Variants in CLN8 observed in about 807,000 individuals in gnomAD.
CLN8 encodes the protein CLN8 transmembrane ER and ERGIC protein, also known as protein CLN8.
CLN8 carries 14 observed loss-of-function variants against 15.7 expected under a neutral mutation model. That is an observed-to-expected ratio of 0.89 (90% CI 0.59 to 1.39). The LOEUF is 1.39. Ranked by LOEUF, CLN8 falls within the 40% of genes most tolerant of loss-of-function variation. CLN8 has a pLI of 0.00. For synonymous variants in CLN8, 188 were observed against 151.0 expected (o/e 1.25, Z -1.80); for missense variants, 415 against 364.0 (o/e 1.14, Z -1.14).
At chr8:1,772,087 C>T (rs933419695) in intron 2 of CLN8, among the ~76,000 whole-genome samples, 2 of 151,936 alleles carry the variant, frequency 1.3e-5, no homozygotes, top group Admixed American at 1.3e-4. Context: ...AGGTGCGCAC[C>T]ACCACACCTG....
chr8:1,764,155 C>T (rs1021645708), intron 1 of CLN8: 5 of 152,342 alleles, frequency 3.3e-5, no homozygotes, highest in African/African-American at 1.2e-4. Flanking sequence ...CGGGGTGGCT[C>T]CTGGCGTCCG....
chr8:1,780,431 C>T lies in CLN8; in HGVS notation c.725C>T (p.Thr242Met), dbSNP rs138821993. 1.3e-4 allele frequency: 205 copies of T among 1,614,216 alleles called. 1 individual carries two copies. The East Asian group carries it at 3.0e-3, about 24-fold the overall frequency. ...TTCCTTGTCGGACTGGCTCTGCTTA[C>T]GCTAATCATTAATCCATATTGGACC... is the stretch of plus-strand genomic sequence containing the variant. The part of the protein sequence containing the change: ...TLFLVGLALL[T>M]LIINPYWTHK... The change falls in exon 3 of 3, where the codon ACG becomes ATG. Residue 242 changes from threonine (T) to methionine (M), a missense_variant. Physicochemically the swap from Thr to Met is moderately conservative, Grantham distance 81 (BLOSUM62 -1). Transcript: ENST00000331222.
chr8:1,762,652 T>G (rs1800828799), upstream of CLN8: 1 of 152,230 alleles, frequency 6.6e-6, no homozygotes. Flanking sequence ...TTTGAAATGT[T>G]TATTTCAAAG....
In CLN8 at chr8:1,783,139, G is replaced by C. The variant is rs182644461; in HGVS notation, c.*2572G>C. The C allele has an allele frequency of 6.6e-6, 1 of 152,430 alleles. No homozygotes were observed. Among genetic ancestry groups the C allele is most frequent in the South Asian group, 2.1e-4 (1 of 4,832 alleles). The allele number at this position is 152,430 out of a possible 1,614,324, so 9.4% of individuals were successfully genotyped here. A position where few individuals can be genotyped will look rare whatever the true frequency, so the allele number is the denominator to read the frequency against. ...GTCTCCCTGACCGGCAGTGTGAGGG[G>C]ATGTAGCTATAGTGGAGCATGGTAC... On this transcript the variant is annotated 3_prime_UTR_variant, in exon 3 of 3. Coordinates refer to ENST00000331222, the MANE Select transcript of CLN8 (RefSeq NM_018941.4).
upstream of CLN8, among the ~76,000 whole-genome samples, chr8:1,754,039 C>T (rs1199463924): frequency 6.6e-6 from 1 of 152,118 alleles, no homozygotes; most frequent in Non-Finnish European, 1.5e-5. Context: ...GACACACAGG[C>T]CCCCTGCACA....
chr8:1,776,859 C>T (rs1734447876), intron 2 of CLN8, among the ~76,000 whole-genome samples: 1 of 152,280 alleles, frequency 6.6e-6, no homozygotes, highest in Non-Finnish European at 1.5e-5. Flanking sequence ...GTCCCATCAT[C>T]AGTGGAAAGG....
rs538172764 is a variant in CLN8 at position 1,781,462 on chromosome 8, G to A, written c.*895G>A. The A allele has an allele frequency of 6.6e-6, 1 of 151,580 alleles. No homozygotes were observed. Among genetic ancestry groups the A allele is most frequent in the East Asian group, 1.9e-4 (1 of 5,156 alleles). The allele number at this position is 151,580 out of a possible 1,614,324, so 9.4% of individuals were successfully genotyped here. On this transcript the variant is annotated 3_prime_UTR_variant, in exon 3 of 3. Transcript: ENST00000331222. The stretch of plus-strand genomic sequence containing the variant: ...ACAACGCTGAGGGGTAGTGACTCCT[G>A]TAGCAGCAGAGACGCCTTGGAGTTT...
At chr8:1,765,811 G>A (rs967688708) in intron 1 of CLN8, among the ~76,000 whole-genome samples, 10 of 152,176 alleles carry the variant, frequency 6.6e-5, no homozygotes, top group African/African-American at 9.7e-5. Flanking sequence ...TGTAAAATGC[G>A]TGACCCACAA....
chr8:1,761,698 C>A (rs113845689), upstream of CLN8, among the ~76,000 whole-genome samples: 472 of 152,306 alleles, frequency 3.1e-3, no homozygotes, highest in African/African-American at 0.011. Context: ...GGGGTCAGAT[C>A]AGAGATGAAA....
chr8:1,762,159 A>G (rs1234962003), upstream of CLN8: 1 of 152,186 alleles, frequency 6.6e-6, no homozygotes, highest in African/African-American at 2.4e-5. Flanking sequence ...TGGTGGTTTC[A>G]CTGGTTTTAA....
At chr8:1,778,912 C>T (rs1228796654) in intron 2 of CLN8, among the ~76,000 whole-genome samples, 1 of 152,182 alleles carries the variant, frequency 6.6e-6, no homozygotes, top group African/African-American at 2.4e-5. Context: ...AAATGTGCAG[C>T]CTCCCGAACA....
chr8:1,764,823 T>C (rs994507330), intron 1 of CLN8: 7 of 148,050 alleles, frequency 4.7e-5, no homozygotes, highest in Non-Finnish European at 1.1e-4. Context: ...TAAGTGACTC[T>C]TCTCTGAAAG....
upstream of CLN8, chr8:1,762,080 T>A (rs564473689): frequency 3.9e-5 from 6 of 152,340 alleles, no homozygotes; most frequent in African/African-American, 1.4e-4. Flanking sequence ...ACAAGGACAG[T>A]TTGGAGGTTA....
upstream of CLN8, among the ~76,000 whole-genome samples, chr8:1,754,958 C>A (rs1165688723): frequency 6.6e-6 from 1 of 152,194 alleles, no homozygotes; most frequent in Non-Finnish European, 1.5e-5. Context: ...CTGCAAAGCT[C>A]CAGAACCCCT....
upstream of CLN8, among the ~76,000 whole-genome samples, chr8:1,761,710 C>T (rs116106279): frequency 4.8e-3 from 730 of 152,284 alleles, 7 homozygotes; most frequent in African/African-American, 0.017. Context: ...GAGATGAAAT[C>T]GTATGGATCA....
At position 1,782,072 on chromosome 8, in the gene CLN8, G is replaced by A. The variant is rs972134189; in HGVS notation, c.*1505G>A. Reference sequence around the variant, plus strand: ...TGTACGTGGAAAACGTCGGCTGCTCGTGAGAATCATGTGTGACTTACGTTC... The same window carrying A: ...TGTACGTGGAAAACGTCGGCTGCTCATGAGAATCATGTGTGACTTACGTTC... On this transcript the variant is annotated 3_prime_UTR_variant, in exon 3 of 3. Coordinates refer to ENST00000331222, the MANE Select transcript of CLN8 (RefSeq NM_018941.4). 1 of 152,128 alleles carries A rather than the reference G, an allele frequency of 6.6e-6. No homozygotes were observed. The highest frequency in any genetic ancestry group is 2.4e-5 in the African/African-American group (1 of 41,412). 9.4% of individuals were successfully genotyped at this position (152,128 alleles called of 1,614,324 possible). A position where few individuals can be genotyped will look rare whatever the true frequency, so the allele number is the denominator to read the frequency against.
chr8:1,763,286 G>C (rs1237133987), upstream of CLN8: 2 of 151,222 alleles, frequency 1.3e-5, no homozygotes, highest in African/African-American at 4.9e-5. Flanking sequence ...GCTGCCCGCG[G>C]AGCCCCACCG....
upstream of CLN8, chr8:1,760,017 G>A (rs1800755388): frequency 6.6e-6 from 1 of 152,120 alleles, no homozygotes; most frequent in African/African-American, 2.4e-5. Context: ...CACAATGAGC[G>A]TATATTGCTT....
intron 2 of CLN8, among the ~76,000 whole-genome samples, chr8:1,774,412 T>G (rs1357238313): frequency 1.3e-5 from 2 of 152,240 alleles, no homozygotes; most frequent in African/African-American, 4.8e-5. Context: ...GTTGAAATAC[T>G]AATAAATGCA....
Sources: gnomAD v4.1 joint callset for allele counts (sites outside exome capture counted in the v4.1 genomes callset) on GRCh38, gnomAD v4.1.1 for gene constraint, MANE v1.5 for transcripts, NCBI Gene and HGNC (gene_info 2026-07-23, HGNC 2026-07-21) for gene names.